Variants in SAXO1 observed in about 807,000 individuals in gnomAD.
The protein encoded by SAXO1 is stabilizer of axonemal microtubules 1.
In SAXO1, 21 loss-of-function variants were observed where a neutral mutation model predicts 17.5. The observed-to-expected ratio is 1.20, with a 90% confidence interval of 0.85 to 1.72. The LOEUF is 1.72. SAXO1 is among the 40% of genes most tolerant of loss of function. The probability of loss-of-function intolerance (pLI) is 0.00; values close to 1 mark genes in which losing one functional copy is unlikely to be tolerated. For synonymous variants in SAXO1, 274 were observed against 216.5 expected, an observed-to-expected ratio of 1.27 and a Z score of -2.33; for missense variants, 843 against 596.0, an observed-to-expected ratio of 1.41 and a Z score of -4.32.
At chr9:18,976,674 A>C (rs73431252) in intron 1 of SAXO1, among the ~76,000 whole-genome samples, 3 of 152,188 alleles carry the variant, frequency 2.0e-5, no homozygotes, top group African/African-American at 7.2e-5. Context: ...CTCTCCCCCA[A>C]GCTCAGGGAC....
chr9:19,018,571 T>C (rs917035585), intron 1 of SAXO1, among the ~76,000 whole-genome samples: 1 of 152,190 alleles, frequency 6.6e-6, no homozygotes, highest in Non-Finnish European at 1.5e-5. Flanking sequence ...TTGCTTCACG[T>C]CATGGCTAGA....
At chr9:18,946,702 A>G (rs1160770170) in intron 2 of SAXO1, among the ~76,000 whole-genome samples, 1 of 152,226 alleles carries the variant, frequency 6.6e-6, no homozygotes, top group African/African-American at 2.4e-5. Context: ...CATTGGAATT[A>G]GCAGATAAGG....
intron 2 of SAXO1, among the ~76,000 whole-genome samples, chr9:18,949,986 G>A (rs1053562503): frequency 2.0e-5 from 3 of 152,086 alleles, no homozygotes; most frequent in African/African-American, 7.2e-5. Context: ...ATCTGAGACT[G>A]CCCAACTGCA....
At chr9:18,942,798 C>T (rs899081126) in intron 2 of SAXO1, among the ~76,000 whole-genome samples, 6 of 152,208 alleles carry the variant, frequency 3.9e-5, no homozygotes, top group Non-Finnish European at 7.3e-5. Flanking sequence ...GTGTTGCCCT[C>T]CAGGGCACTC....
At chr9:19,031,469 G>A (rs904663693) in intron 1 of SAXO1, among the ~76,000 whole-genome samples, 1 of 152,244 alleles carries the variant, frequency 6.6e-6, no homozygotes, top group African/African-American at 2.4e-5. Context: ...GGCTGAGGCA[G>A]GAGAATCACT....
intron 1 of SAXO1, among the ~76,000 whole-genome samples, chr9:18,966,341 C>T (rs11531712): frequency 0.54 from 81,561 of 152,098 alleles, 25,407 homozygotes; most frequent in Non-Finnish European, 0.7. Context: ...TGTTTTCCAA[C>T]TTGGTTCCAT....
At chr9:19,014,440 A>G (rs531186798) in intron 1 of SAXO1, among the ~76,000 whole-genome samples, 5,262 of 138,858 alleles carry the variant, frequency 0.038, 124 homozygotes, top group Non-Finnish European at 0.054. Context: ...CAGCCTGGGC[A>G]ACAGAGCGAA....
At chr9:19,023,074 G>C (rs1271247022) in intron 1 of SAXO1, among the ~76,000 whole-genome samples, 1 of 152,086 alleles carries the variant, frequency 6.6e-6, no homozygotes, top group Non-Finnish European at 1.5e-5. Context: ...ATAAGGAGTA[G>C]ATGAAGTCTT....
At chr9:19,011,757 G>A (rs761460505) in intron 1 of SAXO1, among the ~76,000 whole-genome samples, 3 of 151,566 alleles carry the variant, frequency 2.0e-5, no homozygotes, top group Non-Finnish European at 4.4e-5. Flanking sequence ...TGCCAATTAC[G>A]AACCACTTCA....
At chr9:19,011,781 CCCT>C (rs1484946189) in intron 1 of SAXO1, among the ~76,000 whole-genome samples, 4 of 152,058 alleles carry the variant, frequency 2.6e-5, no homozygotes. Flanking sequence ...CTTTCTTCCT[CCCT>C]CCTCTTCTTT....
intron 1 of SAXO1, among the ~76,000 whole-genome samples, chr9:18,998,615 C>T (rs7029440): frequency 0.018 from 2,743 of 152,226 alleles, 82 homozygotes; most frequent in African/African-American, 0.06. Flanking sequence ...GTACACAGAA[C>T]ACCACAAAGA....
chr9:18,975,215 GA>G (rs1190333912), intron 1 of SAXO1, among the ~76,000 whole-genome samples: 8 of 7,002 alleles, frequency 1.1e-3, no homozygotes, highest in African/African-American at 3.6e-3. Context: ...GCAGGCTGGG[GA>G]AGCAGGGAGA....
chr9:19,048,163 T>C lies in SAXO1; in HGVS notation c.-158+1046A>G, dbSNP rs145491329. ...ATACCTGAATTTGTACAGTACAGTA[T>C]ACACTTTGATAAGGGCTTTAGGCCA... is the stretch of plus-strand genomic sequence containing the variant. On this transcript the variant is annotated intron_variant, in intron 1 of 3. Transcript: ENST00000542071. Among the ~76,000 whole-genome samples, 721 of 152,328 alleles carry C rather than the reference T, an allele frequency of 4.7e-3. 3 individuals carry two copies. The highest frequency in any genetic ancestry group is 0.017 in the African/African-American group (695 of 41,590).
intron 1 of SAXO1, among the ~76,000 whole-genome samples, chr9:19,043,311 G>A (rs934444469): frequency 1.3e-5 from 2 of 152,202 alleles, no homozygotes; most frequent in African/African-American, 4.8e-5. Flanking sequence ...GACAAACTCT[G>A]CATGTTCTCA....
intron 1 of SAXO1, among the ~76,000 whole-genome samples, chr9:18,997,135 C>A: frequency 6.6e-6 from 1 of 152,182 alleles, no homozygotes. Context: ...CAAAGCAGGG[C>A]AGGGCATTGC....
At chr9:18,949,510 C>T (rs1831933843) in intron 2 of SAXO1, among the ~76,000 whole-genome samples, 1 of 151,938 alleles carries the variant, frequency 6.6e-6, no homozygotes, top group Non-Finnish European at 1.5e-5. Context: ...CAGACAAGGC[C>T]CTCAACTCCC....
chr9:18,967,476 C>T (rs112763836), intron 1 of SAXO1, among the ~76,000 whole-genome samples: 3,107 of 152,318 alleles, frequency 0.02, 101 homozygotes, highest in African/African-American at 0.07. Context: ...GGCTGTCTGG[C>T]TACAGTGGCT....
chr9:18,990,433 C>T (rs998979223), intron 1 of SAXO1, among the ~76,000 whole-genome samples: 1 of 152,124 alleles, frequency 6.6e-6, no homozygotes, highest in Non-Finnish European at 1.5e-5. Context: ...TAGCAGGACA[C>T]CGTGGCTTAT....
At chr9:18,986,161 A>C (rs140144903) in intron 1 of SAXO1, among the ~76,000 whole-genome samples, 62 of 152,344 alleles carry the variant, frequency 4.1e-4, no homozygotes, top group Non-Finnish European at 6.6e-4. Flanking sequence ...ACAGATTTTA[A>C]AAAAAGCAAT....
Sources: gnomAD v4.1 joint callset for allele counts (sites outside exome capture counted in the v4.1 genomes callset) on GRCh38, gnomAD v4.1.1 for gene constraint, MANE v1.5 for transcripts, NCBI Gene and HGNC (gene_info 2026-07-23, HGNC 2026-07-21) for gene names.